The following SLC3A2 variants were observed in gnomAD, a reference collection of about 807,000 sequenced individuals.
The protein encoded by SLC3A2 is solute carrier family 3 member 2.
In SLC3A2, 32 loss-of-function variants were observed where a neutral mutation model predicts 48.5. The observed-to-expected ratio is 0.66, with a 90% CI of 0.50 to 0.89. SLC3A2 has a LOEUF of 0.89. SLC3A2 is among the 40% of genes least tolerant of loss of function. The pLI is 0.00. For missense variants in SLC3A2, 587 were observed against 680.7 expected, an observed-to-expected ratio of 0.86 and a Z score of 1.53; for synonymous variants, 277 against 288.8, an observed-to-expected ratio of 0.96 and a Z score of 0.41.
intron 1 of SLC3A2, among the ~76,000 whole-genome samples, chr11:62,859,307 A>G (rs1464707934): frequency 6.6e-6 from 1 of 152,056 alleles, no homozygotes; most frequent in East Asian, 1.9e-4. Context: ...AATCCATTGA[A>G]CCCTGAGTTT....
rs747772767 is a variant in SLC3A2, at chr11:62,881,173, C to CGAGGCG, written c.158_163dup (p.Glu53_Ala54dup). 4 of 1,595,540 alleles carry CGAGGCG rather than the reference C, an allele frequency of 2.5e-6. No homozygotes were observed. Among genetic ancestry groups the CGAGGCG allele is most frequent in the Non-Finnish European group, 3.4e-6 (4 of 1,173,268 alleles). ...TGGTGAAGATCAAGGTGGCGGAAGA[C>CGAGGCG]GAGGCGGAGGCGGCAGCCGCGGCTA... On this transcript the variant is annotated inframe_insertion, in exon 1 of 9. Coordinates refer to ENST00000338663, the MANE Select transcript of SLC3A2 (RefSeq NM_001013251.3). The surrounding 1 kb of genome is among the most constrained non-coding windows in gnomAD (Gnocchi z 4.0).
At chr11:62,863,063 AG>A (rs2085418745) in intron 1 of SLC3A2, among the ~76,000 whole-genome samples, 1 of 152,138 alleles carries the variant, frequency 6.6e-6, no homozygotes, top group Admixed American at 6.6e-5. Flanking sequence ...CTGGGATTAC[AG>A]GCGCTGCAAC....
intron 1 of SLC3A2, among the ~76,000 whole-genome samples, chr11:62,859,181 C>T (rs1217410216): frequency 3.9e-5 from 6 of 152,152 alleles, no homozygotes; most frequent in Admixed American, 1.3e-4. Context: ...GAGGTCCCTG[C>T]GGCCTTCCGC....
At chr11:62,867,746 G>A (rs2085468949) in intron 1 of SLC3A2, among the ~76,000 whole-genome samples, 1 of 151,872 alleles carries the variant, frequency 6.6e-6, no homozygotes, top group Non-Finnish European at 1.5e-5. Flanking sequence ...CTTTCAAAGT[G>A]CTGGGATTAT....
intron 1 of SLC3A2, among the ~76,000 whole-genome samples, chr11:62,870,268 G>C (rs2085497371): frequency 2.0e-5 from 3 of 151,282 alleles, no homozygotes; most frequent in African/African-American, 4.9e-5. Context: ...TGCAACCTCT[G>C]CCTCCCAGGT....
In SLC3A2 at chr11:62,882,716, C is replaced by T. The variant is rs1006769177; in HGVS notation, c.599-192C>T. 4.0e-5 allele frequency: 23 copies of T among 577,018 alleles called. No individual in the cohort carries two copies. The South Asian group carries it at 4.2e-4, about 11-fold the overall frequency. The allele number at this position is 577,018 out of a possible 1,614,324, so 35.7% of individuals were successfully genotyped here. ...CCGGTCTGGTTTTGAACTCGCCTGG[C>T]CTGCCTTCCCATATCTTAAGGCCCT... On this transcript the variant is annotated intron_variant, in intron 2 of 8. Coordinates refer to ENST00000338663, the MANE Select transcript of SLC3A2 (RefSeq NM_001013251.3).
At chr11:62,863,025 G>T (rs1272937228) in intron 1 of SLC3A2, among the ~76,000 whole-genome samples, 1 of 152,080 alleles carries the variant, frequency 6.6e-6, no homozygotes, top group Non-Finnish European at 1.5e-5. Context: ...AGGTTCAAGC[G>T]ATTCTCTTGC....
At chr11:62,869,290 C>T (rs763207140) in intron 1 of SLC3A2, among the ~76,000 whole-genome samples, 14 of 151,256 alleles carry the variant, frequency 9.3e-5, no homozygotes, top group Non-Finnish European at 1.5e-4. Context: ...TTTGGGAGGC[C>T]GAGATGGGCG....
chr11:62,884,244 T>C, intron 3 of SLC3A2: 1 of 612,058 alleles, frequency 1.6e-6, no homozygotes, highest in Non-Finnish European at 2.9e-6. Flanking sequence ...AGAAGTAAAA[T>C]GCTGTAGCAC....
chr11:62,868,247 C>T lies in SLC3A2; in HGVS notation c.112+11866C>T, dbSNP rs2085473926. The stretch of plus-strand genomic sequence containing the variant: ...TATTTTTCAAATTTCCAAATTTTTA[C>T]TACTATAACCAGTGCTGCAGTGAAA... On this transcript the variant is annotated intron_variant, in intron 1 of 9. Coordinates refer to the SLC3A2 transcript ENST00000377889. Among the ~76,000 whole-genome samples the T allele has an allele frequency of 2.6e-5, 4 of 151,292 alleles. No homozygotes were observed. The Admixed American group carries it at 2.6e-4, about 10-fold the overall frequency.
intron 1 of SLC3A2, among the ~76,000 whole-genome samples, chr11:62,868,522 C>T (rs761154011): frequency 1.4e-4 from 21 of 151,798 alleles, no homozygotes; most frequent in Non-Finnish European, 2.8e-4. Flanking sequence ...CCCGCCACCA[C>T]GCCTGGCTAA....
At chr11:62,875,793 C>T (rs2085565328) in intron 1 of SLC3A2, among the ~76,000 whole-genome samples, 1 of 152,120 alleles carries the variant, frequency 6.6e-6, no homozygotes, top group African/African-American at 2.4e-5. Context: ...TCTCAAACTC[C>T]TGACCTCAGG....
At chr11:62,867,550 C>T (rs2085466786) in intron 1 of SLC3A2, among the ~76,000 whole-genome samples, 1 of 151,276 alleles carries the variant, frequency 6.6e-6, no homozygotes, top group Non-Finnish European at 1.5e-5. Flanking sequence ...GGTCTCGATC[C>T]CCTGACCTTT....
chr11:62,866,736 T>G (rs930770029), intron 1 of SLC3A2, among the ~76,000 whole-genome samples: 4 of 152,194 alleles, frequency 2.6e-5, no homozygotes, highest in African/African-American at 2.4e-5. Flanking sequence ...TCTGTTCTTA[T>G]CCTCTAACAT....
At chr11:62,869,462 T>C (rs971221158) in intron 1 of SLC3A2, among the ~76,000 whole-genome samples, 2 of 141,642 alleles carry the variant, frequency 1.4e-5, no homozygotes, top group African/African-American at 5.5e-5. Flanking sequence ...AGGCGGAGGT[T>C]GCAGTGAGGC....
chr11:62,870,019 G>A (rs141282243), intron 1 of SLC3A2, among the ~76,000 whole-genome samples: 1,570 of 151,686 alleles, frequency 0.01, 18 homozygotes, highest in African/African-American at 0.036. Flanking sequence ...GGCTTGTCTC[G>A]AACTCCTGAC....
Position 62,888,722 on chromosome 11 carries a change from T to TTGG in SLC3A2, c.*29_*30insTGG. 1 of 1,526,956 alleles carries TTGG rather than the reference T, an allele frequency of 6.5e-7. No individual in the cohort carries two copies. Among genetic ancestry groups the TTGG allele is most frequent in the South Asian group, 1.2e-5 (1 of 81,828 alleles). 94.6% of individuals were successfully genotyped at this position (1,526,956 alleles called of 1,614,324 possible). A position where few individuals can be genotyped will look rare whatever the true frequency, so the allele number is the denominator to read the frequency against. On this transcript the variant is annotated 3_prime_UTR_variant, in exon 9 of 9. Coordinates refer to ENST00000338663, the MANE Select transcript of SLC3A2 (RefSeq NM_001013251.3). Reference sequence around the variant, plus strand: ...CAGCCTGACATGGACCCACTACCCTTCTCCTTTCCTTCCCAGGCCCTTTGG... The same window carrying TTGG: ...CAGCCTGACATGGACCCACTACCCTTTGGCTCCTTTCCTTCCCAGGCCCTTTGG...
At chr11:62,884,317 T>G in intron 3 of SLC3A2, 140 bp from the exon 4 acceptor site, 1 of 808,016 alleles carries the variant, frequency 1.2e-6, no homozygotes, top group Admixed American at 2.1e-5. Context: ...GTAGTGCAGG[T>G]GGGGAAGACC....
rs1363274202 is a variant in SLC3A2, at chr11:62,882,930, T to C, written c.621T>C (p.Leu207=). ...TAGGCATCCGTGTCATTCTGGACCT[T>C]ACTCCCAACTACCGGGGTGAGAACT... ...KKKSIRVILD[L]TPNYRGENSW... The change falls in exon 3 of 9, where the codon CTT becomes CTC. Residue 207 remains leucine (L), a synonymous_variant. Coordinates refer to ENST00000338663, the MANE Select transcript of SLC3A2 (RefSeq NM_001013251.3). 6.2e-7 allele frequency: 1 copy of C among 1,614,106 alleles called. No homozygotes were observed. Among genetic ancestry groups the C allele is most frequent in the African/African-American group, 1.3e-5 (1 of 74,940 alleles).
Sources: allele counts gnomAD v4.1 joint callset (sites outside exome capture counted in the v4.1 genomes callset), GRCh38; gene constraint gnomAD v4.1.1; non-coding constraint Gnocchi (gnomAD v3.1); transcripts MANE v1.5; gene names NCBI Gene and HGNC (gene_info 2026-07-23, HGNC 2026-07-21).